Variants in GALNT18 observed in about 807,000 individuals in gnomAD.
The protein encoded by GALNT18 is polypeptide N-acetylgalactosaminyltransferase 18.
In GALNT18, 44 loss-of-function variants were observed where a neutral mutation model predicts 69.5. The observed-to-expected ratio is 0.63, with a 90% CI of 0.50 to 0.81. The LOEUF (loss-of-function observed/expected upper bound fraction) is 0.81. GALNT18 is among the 40% of genes least tolerant of loss of function. GALNT18 has a pLI of 0.00. For synonymous variants in GALNT18, 364 were observed against 318.2 expected, an observed-to-expected ratio of 1.14 and a Z score of -1.53; for missense variants, 715 against 810.0, an observed-to-expected ratio of 0.88 and a Z score of 1.42.
chr11:11,274,848 A>G (rs968209519), intron 10 of GALNT18, among the ~76,000 whole-genome samples: 1 of 152,144 alleles, frequency 6.6e-6, no homozygotes, highest in African/African-American at 2.4e-5. Context: ...GCTGAGGATG[A>G]TGGTTTCCAG....
intron 3 of GALNT18, among the ~76,000 whole-genome samples, chr11:11,394,038 G>A (rs1854260201): frequency 6.6e-6 from 1 of 152,208 alleles, no homozygotes; most frequent in Non-Finnish European, 1.5e-5. Flanking sequence ...CACCTCTTAA[G>A]AAACTCGCAG....
rs1190808975 is a variant in GALNT18, at chr11:11,382,801, G to C, written c.596-3537C>G. On this transcript the variant is annotated intron_variant, in intron 3 of 10. Coordinates refer to ENST00000227756, the MANE Select transcript of GALNT18 (RefSeq NM_198516.3). The surrounding 1 kb of genome is among the most constrained non-coding windows in gnomAD (Gnocchi z 4.3). The stretch of plus-strand genomic sequence containing the variant: ...ATTTCTATAAATAACATTTAATAAA[G>C]TGTCTTGGTGGGTTAGGACAGTAGT... Among the ~76,000 whole-genome samples the C allele has an allele frequency of 1.3e-5, 2 of 152,062 alleles. No homozygotes were observed. The highest frequency in any genetic ancestry group is 4.8e-5 in the African/African-American group (2 of 41,376).
At chr11:11,456,503 C>G (rs1176036204) in intron 1 of GALNT18, among the ~76,000 whole-genome samples, 1 of 152,208 alleles carries the variant, frequency 6.6e-6, no homozygotes, top group African/African-American at 2.4e-5. Context: ...CCCTGCAACC[C>G]CAGGTGCTCT....
chr11:11,509,378 C>T (rs1430376993), intron 1 of GALNT18, among the ~76,000 whole-genome samples: 3 of 152,100 alleles, frequency 2.0e-5, no homozygotes, highest in African/African-American at 7.2e-5. Context: ...TTTATATATT[C>T]ATAATTTAAT....
At position 11,361,328 on chromosome 11, in the gene GALNT18, G is replaced by C. The variant is rs144040155; in HGVS notation, c.1092+11187C>G. Among the ~76,000 whole-genome samples, 8 of 152,270 alleles carry C rather than the reference G, an allele frequency of 5.3e-5. No homozygotes were observed. The East Asian group carries it at 1.5e-3, about 29-fold the overall frequency. On this transcript the variant is annotated intron_variant, in intron 6 of 10. Coordinates refer to ENST00000227756, the MANE Select transcript of GALNT18 (RefSeq NM_198516.3). ...TACCACTTACCAGTCATGTAACCTTGAGCAAGTTATATCACCTCTCTCTGT... is the reference window on the plus strand; with the variant it reads ...TACCACTTACCAGTCATGTAACCTTCAGCAAGTTATATCACCTCTCTCTGT...
rs1219358074 is a variant in GALNT18 at position 11,415,088 on chromosome 11, G to A, written c.595+17533C>T. Among the ~76,000 whole-genome samples the A allele has an allele frequency of 6.6e-6, 1 of 152,176 alleles. No individual in the cohort carries two copies. The highest frequency in any genetic ancestry group is 2.4e-5 in the African/African-American group (1 of 41,438). On this transcript the variant is annotated intron_variant, in intron 3 of 10. Transcript: ENST00000227756. The surrounding 1 kb of genome is among the most constrained non-coding windows in gnomAD (Gnocchi z 4.1). ...CAACAAGAGGCTGCCCAATCTCCTT[G>A]CCGCATGGACAGTTCACAGCATGGG...
Position 11,332,688 on chromosome 11 carries a change from C to G in GALNT18, c.1416+6G>C, listed in dbSNP as rs780392620. 3 of 1,614,058 alleles carry G rather than the reference C, an allele frequency of 1.9e-6. No individual in the cohort carries two copies. Among genetic ancestry groups the G allele is most frequent in the Non-Finnish European group, 2.5e-6 (3 of 1,179,966 alleles). On this transcript the variant is annotated splice_donor_region_variant and intron_variant, in intron 8 of 10. Transcript: ENST00000227756. This position sits in a 1 kb window ranked among gnomAD's most constrained non-coding sequence, Gnocchi z 4.3. ...GAATGAAACCCGGAGGAGGCCAGCT[C>G]CTTACCACTCCATAGGCAATGATGT...
intron 1 of GALNT18, among the ~76,000 whole-genome samples, chr11:11,520,856 A>C (rs989156051): frequency 6.6e-6 from 1 of 152,158 alleles, no homozygotes; most frequent in African/African-American, 2.4e-5. Context: ...GGAGCACCCC[A>C]TAGGCAGCTG....
chr11:11,280,231 G>A (rs914315257), intron 10 of GALNT18, among the ~76,000 whole-genome samples: 7 of 152,280 alleles, frequency 4.6e-5, no homozygotes, highest in African/African-American at 1.7e-4. Context: ...AGCTGCTGGG[G>A]CCCACTGTTT....
In GALNT18 at chr11:11,563,183, A is replaced by C. The variant is rs1427066830; in HGVS notation, c.235+58176T>G. On this transcript the variant is annotated intron_variant, in intron 1 of 10. Coordinates refer to ENST00000227756, the MANE Select transcript of GALNT18 (RefSeq NM_198516.3). This position sits in a 1 kb window ranked among gnomAD's most constrained non-coding sequence, Gnocchi z 4.6. Reference sequence around the variant, plus strand: ...TGCAGTGGGCCCAGCTGCCTGGCGCAGTCCAAATGTGTCCTCCCCAAGCCA... The same window carrying C: ...TGCAGTGGGCCCAGCTGCCTGGCGCCGTCCAAATGTGTCCTCCCCAAGCCA... Among the ~76,000 whole-genome samples the C allele has an allele frequency of 6.6e-6, 1 of 152,148 alleles. No homozygotes were observed. The highest frequency in any genetic ancestry group is 1.5e-5 in the Non-Finnish European group (1 of 68,030).
In GALNT18 at chr11:11,610,879, G is replaced by A. The variant is rs547430571; in HGVS notation, c.235+10480C>T. 3.0e-3 allele frequency among the ~76,000 whole-genome samples: 450 copies of A among 152,286 alleles called. 2 individuals carry two copies. Among genetic ancestry groups the A allele is most frequent in the Non-Finnish European group, 5.1e-3 (349 of 68,024 alleles). On this transcript the variant is annotated intron_variant, in intron 1 of 10. Transcript: ENST00000227756. The stretch of plus-strand genomic sequence containing the variant: ...CTGCAGCTCCTTCTCTCCCATCAGG[G>A]AAATATGATGATTAATTAGACAAAG...
chr11:11,466,442 G>A (rs186816830), intron 1 of GALNT18, among the ~76,000 whole-genome samples: 82 of 152,232 alleles, frequency 5.4e-4, no homozygotes, highest in African/African-American at 1.9e-3. Context: ...ATTTTGATAC[G>A]GACACCCAGG....
chr11:11,498,159 A>G (rs949764924), intron 1 of GALNT18, among the ~76,000 whole-genome samples: 5 of 152,202 alleles, frequency 3.3e-5, no homozygotes, highest in African/African-American at 9.6e-5. Context: ...CCTACAACTA[A>G]TTTGACAGCC....
intron 8 of GALNT18, among the ~76,000 whole-genome samples, chr11:11,330,216 G>A (rs763144312): frequency 1.3e-5 from 2 of 152,142 alleles, no homozygotes; most frequent in South Asian, 2.1e-4. Context: ...GCTCGACTCA[G>A]AGTCCCAGAA....
At position 11,459,661 on chromosome 11, in the gene GALNT18, G is replaced by A. The variant is rs937268327; in HGVS notation, c.236-10725C>T. ...GAAGCTCAGCTTGCTGTCGAATGTGGATAATAATGTCTATGTCTAAGCTTG... is the reference window on the plus strand; with the variant it reads ...GAAGCTCAGCTTGCTGTCGAATGTGAATAATAATGTCTATGTCTAAGCTTG... On this transcript the variant is annotated intron_variant, in intron 1 of 10. Coordinates refer to ENST00000227756, the MANE Select transcript of GALNT18 (RefSeq NM_198516.3). This position sits in a 1 kb window ranked among gnomAD's most constrained non-coding sequence, Gnocchi z 5.0. 2.0e-5 allele frequency among the ~76,000 whole-genome samples: 3 copies of A among 152,208 alleles called. No homozygotes were observed. The highest frequency in any genetic ancestry group is 4.4e-5 in the Non-Finnish European group (3 of 68,044).
chr11:11,511,793 T>C lies in GALNT18; in HGVS notation c.236-62857A>G, dbSNP rs1857171070. On this transcript the variant is annotated intron_variant, in intron 1 of 10. Coordinates refer to ENST00000227756, the MANE Select transcript of GALNT18 (RefSeq NM_198516.3). The surrounding 1 kb of genome is among the most constrained non-coding windows in gnomAD (Gnocchi z 4.9). ...TGCCATGTGAGGATACAATGAGAAG[T>C]TGGCAGTAAACAACCCAGAAGAGGG... Among the ~76,000 whole-genome samples the C allele has an allele frequency of 6.6e-6, 1 of 152,064 alleles. No individual in the cohort carries two copies.
chr11:11,273,042 G>A (rs981610792), intron 10 of GALNT18, among the ~76,000 whole-genome samples: 23 of 152,112 alleles, frequency 1.5e-4, no homozygotes, highest in African/African-American at 5.6e-4. Flanking sequence ...AATCAAAATA[G>A]GTTAAAGACT....
At position 11,598,675 on chromosome 11, in the gene GALNT18, A is replaced by G. The variant is rs994820948; in HGVS notation, c.235+22684T>C. Among the ~76,000 whole-genome samples, 1 of 152,216 alleles carries G rather than the reference A, an allele frequency of 6.6e-6. No individual in the cohort carries two copies. The highest frequency in any genetic ancestry group is 1.5e-5 in the Non-Finnish European group (1 of 68,040). On this transcript the variant is annotated intron_variant, in intron 1 of 10. Transcript: ENST00000227756. This position sits in a 1 kb window ranked among gnomAD's most constrained non-coding sequence, Gnocchi z 4.8. ...GATATCTTTTGGAGAAACTTTTGTC[A>G]ACCTATCACAGCTAGGTAATTAAGA...
chr11:11,560,986 T>C (rs1463549246), intron 1 of GALNT18, among the ~76,000 whole-genome samples: 1 of 152,214 alleles, frequency 6.6e-6, no homozygotes, highest in Non-Finnish European at 1.5e-5. Context: ...CATGGAAAAC[T>C]CATTTTATTT....
Sources: allele counts gnomAD v4.1 joint callset (sites outside exome capture counted in the v4.1 genomes callset), GRCh38; gene constraint gnomAD v4.1.1; non-coding constraint Gnocchi (gnomAD v3.1); transcripts MANE v1.5; gene names NCBI Gene and HGNC (gene_info 2026-07-23, HGNC 2026-07-21).